The following POP1 variants were observed in gnomAD, a reference collection of about 807,000 sequenced individuals.
The protein encoded by POP1 is ribonucleases P/MRP protein subunit POP1.
POP1 carries 75 observed loss-of-function variants against 102.2 expected under a neutral mutation model. That is an observed-to-expected ratio of 0.73 (90% CI 0.61 to 0.89). The LOEUF is 0.89. POP1 is among the 40% of genes least tolerant of loss of function. The probability of loss-of-function intolerance (pLI) is 0.00; values close to 1 mark genes in which losing one functional copy is unlikely to be tolerated. For synonymous variants in POP1, 436 were observed against 464.1 expected (o/e 0.94, Z 0.78); for missense variants, 1,116 against 1,267.4 (o/e 0.88, Z 1.81).
rs781358549 is a variant in POP1 at position 98,150,653 on chromosome 8, T to C, written c.2057+14T>C. The C allele has an allele frequency of 1.9e-6, 3 of 1,613,134 alleles. No homozygotes were observed. Among genetic ancestry groups the C allele is most frequent in the African/African-American group, 1.3e-5 (1 of 75,056 alleles). On this transcript the variant is annotated intron_variant, in intron 14 of 15. Coordinates refer to ENST00000401707, the MANE Select transcript of POP1 (RefSeq NM_001145860.2). Reference sequence around the variant, plus strand: ...AAAGTACAAAAGGTAAGAAACTGGCTTCTCTAATTTGATAATGTATTAAGG... The same window carrying C: ...AAAGTACAAAAGGTAAGAAACTGGCCTCTCTAATTTGATAATGTATTAAGG...
At chr8:98,147,062 T>C (rs1809376719) in intron 12 of POP1, among the ~76,000 whole-genome samples, 1 of 152,276 alleles carries the variant, frequency 6.6e-6, no homozygotes, top group Non-Finnish European at 1.5e-5. Flanking sequence ...GTTTTTCTTT[T>C]ATTGTTTTCT....
intron 1 of POP1, among the ~76,000 whole-genome samples, chr8:98,123,011 C>T (rs1816078752): frequency 6.6e-6 from 1 of 152,174 alleles, no homozygotes. Context: ...AATAGAGTTT[C>T]TCCTTTTGGA....
rs147182396 is a variant in POP1, at chr8:98,154,933, G to T, written c.2058-1117G>T. Among the ~76,000 whole-genome samples, 136 of 152,290 alleles carry T rather than the reference G, an allele frequency of 8.9e-4. 1 individual carries two copies. Among genetic ancestry groups the T allele is most frequent in the African/African-American group, 3.0e-3 (125 of 41,568 alleles). On this transcript the variant is annotated intron_variant, in intron 14 of 15. Transcript: ENST00000401707. Reference sequence around the variant, plus strand: ...CAAAAAGTACTGTACCTAGTATGCTGCTATTTGTATAAAAATAAATAAAAA... The same window carrying T: ...CAAAAAGTACTGTACCTAGTATGCTTCTATTTGTATAAAAATAAATAAAAA...
chr8:98,130,431 A>T (rs1350705891), intron 5 of POP1, among the ~76,000 whole-genome samples: 1 of 152,216 alleles, frequency 6.6e-6, no homozygotes, highest in Non-Finnish European at 1.5e-5. Context: ...TAATCAAACG[A>T]TTTACCAGAT....
At chr8:98,121,317 G>C (rs1265980820) in intron 1 of POP1, among the ~76,000 whole-genome samples, 2 of 152,116 alleles carry the variant, frequency 1.3e-5, no homozygotes, top group Non-Finnish European at 2.9e-5. Flanking sequence ...TAATTTAGTG[G>C]CTCTCAGTGG....
In POP1 at chr8:98,156,498, GT is replaced by G. The variant is rs1563787247; in HGVS notation, c.2420+89del. 5 of 1,537,930 alleles carry G rather than the reference GT, an allele frequency of 3.3e-6. No homozygotes were observed. The East Asian group carries it at 1.1e-4, about 35-fold the overall frequency. ...CAGGATGTAAGCGTTATCACTGTTT[GT>G]TTATGCAAAATCCAAGTGAATTTAT... On this transcript the variant is annotated intron_variant, in intron 15 of 15. Transcript: ENST00000401707.
Position 98,150,572 on chromosome 8 carries a change from C to A in POP1, c.1990C>A (p.Pro664Thr). ...KRSPNVPGDF[P>T]DCPAGMLFAE... Reference sequence around the variant, plus strand: ...GTCGCCTAATGTCCCAGGCGATTTTCCAGACTGCCCTGCCGGGATGCTGTT... The same window carrying A: ...GTCGCCTAATGTCCCAGGCGATTTTACAGACTGCCCTGCCGGGATGCTGTT... The change falls in exon 14 of 16, where the codon CCA becomes ACA. Residue 664 changes from proline to threonine, a missense_variant. By Grantham distance (38) the Pro-to-Thr change is conservative. Transcript: ENST00000401707. 8.7e-6 allele frequency: 14 copies of A among 1,614,176 alleles called. No individual in the cohort carries two copies. Among genetic ancestry groups the A allele is most frequent in the Non-Finnish European group, 1.2e-5 (14 of 1,180,032 alleles).
intron 1 of POP1, 30 bp from the exon 2 acceptor site, chr8:98,123,306 C>G (rs1816086903): frequency 6.2e-7 from 1 of 1,607,254 alleles, no homozygotes; most frequent in Admixed American, 1.7e-5. Flanking sequence ...GTTTCCTTTC[C>G]CTGTATTAAA....
chr8:98,127,722 T>C lies in POP1; in HGVS notation c.270T>C (p.Gly90=). ...GAAAAAAGGGAGGATGGAAAGCAGG[T>C]CCCGAGGGCACGTCTCAGGAGATCC... The part of the protein sequence containing the change: ...MFRKKGGWKA[G]PEGTSQEIPK... The change falls in exon 3 of 16, where the codon GGT becomes GGC. Residue 90 remains glycine (G), a synonymous_variant. Transcript: ENST00000401707. 6.2e-7 allele frequency: 1 copy of C among 1,614,068 alleles called. No homozygotes were observed. The highest frequency in any genetic ancestry group is 1.1e-5 in the South Asian group (1 of 91,074).
Position 98,136,511 on chromosome 8 carries a change from C to T in POP1, c.1041C>T (p.Cys347=). 1.2e-6 allele frequency: 2 copies of T among 1,613,356 alleles called. No individual in the cohort carries two copies. The highest frequency in any genetic ancestry group is 1.3e-5 in the African/African-American group (1 of 74,948). Residue 347 remains cysteine, a synonymous_variant, in exon 8 of 16, where the codon TGC becomes TGT. Transcript: ENST00000401707. The stretch of plus-strand genomic sequence containing the variant: ...TCTTAGAGGAAATAAAAGCAGCGTG[C>T]CAGTGTGTGGAACCCATCAAATCAG... ...QDILEEIKAA[C]QCVEPIKSAV...
chr8:98,136,823 A>T, intron 8 of POP1, 38 bp from the exon 9 acceptor site: 1 of 1,608,512 alleles, frequency 6.2e-7, no homozygotes, highest in Admixed American at 1.7e-5. Context: ...ATGTTGTGTG[A>T]TGAAAGTTTC....
intron 5 of POP1, among the ~76,000 whole-genome samples, chr8:98,131,101 A>T (rs965659104): frequency 6.6e-6 from 1 of 152,226 alleles, no homozygotes; most frequent in Non-Finnish European, 1.5e-5. Flanking sequence ...GAATCTTTTT[A>T]AAAAATTGTG....
chr8:98,137,159 C>T (rs1232092018), intron 9 of POP1, among the ~76,000 whole-genome samples: 1 of 152,162 alleles, frequency 6.6e-6, no homozygotes, highest in Non-Finnish European at 1.5e-5. Flanking sequence ...AGTAAACTGA[C>T]TGTTCTTACT....
chr8:98,130,512 G>A (rs1330380842), intron 5 of POP1, among the ~76,000 whole-genome samples: 2 of 148,428 alleles, frequency 1.3e-5, no homozygotes, highest in African/African-American at 5.0e-5. Context: ...TCCCCCAGAA[G>A]TGCTGTTTGA....
At chr8:98,152,323 G>A (rs1037461607) in intron 14 of POP1, among the ~76,000 whole-genome samples, 10 of 151,796 alleles carry the variant, frequency 6.6e-5, no homozygotes, top group East Asian at 5.8e-4. Flanking sequence ...TGTCTTTTTC[G>A]TTTAACAATA....
intron 10 of POP1, 26 bp downstream of exon 10, chr8:98,140,215 G>A: frequency 1.2e-6 from 2 of 1,601,974 alleles, no homozygotes; most frequent in Non-Finnish European, 1.7e-6. Context: ...ACTGGGTTGT[G>A]TTGGGGAGGG....
chr8:98,119,454 TA>T (rs1195581079), intron 1 of POP1, among the ~76,000 whole-genome samples: 2 of 152,186 alleles, frequency 1.3e-5, no homozygotes, highest in Non-Finnish European at 2.9e-5. Context: ...TCAGAAAACA[TA>T]ACGTATCCAT....
intron 15 of POP1, 102 bp from the exon 16 acceptor site, chr8:98,157,515 G>GTATT: frequency 7.5e-7 from 1 of 1,326,790 alleles, no homozygotes; most frequent in East Asian, 2.4e-5. Context: ...TTCTTATATA[G>GTATT]TATAAAAGAA....
rs749458828 is a variant in POP1 at position 98,146,694 on chromosome 8, G to A, written c.1710+11G>A. On this transcript the variant is annotated intron_variant, in intron 12 of 15. Transcript: ENST00000401707. ...AAAATCTCGGATCAGGTAACTAATA[G>A]TGTAAGGGTTATTGGTAAAGTCATG... The A allele has an allele frequency of 6.4e-6, 10 of 1,554,808 alleles. No individual in the cohort carries two copies. In the East Asian group the frequency reaches 1.8e-4, roughly 28 times the overall value.
Sources: gnomAD v4.1 joint callset for allele counts (sites outside exome capture counted in the v4.1 genomes callset) on GRCh38, gnomAD v4.1.1 for gene constraint, MANE v1.5 for transcripts, NCBI Gene and HGNC (gene_info 2026-07-23, HGNC 2026-07-21) for gene names.